TRPM3: variants seen among roughly 807,000 people sequenced by gnomAD.
TRPM3 encodes transient receptor potential cation channel subfamily M member 3, also known as long transient receptor potential channel 3.
In TRPM3, 77 loss-of-function variants were observed where a neutral mutation model predicts 181.2. That is an observed-to-expected ratio of 0.42 (90% CI 0.35 to 0.51). The LOEUF is 0.51. Ranked by LOEUF, TRPM3 falls within the 20% of genes least tolerant of loss-of-function variation. TRPM3 has a pLI of 0.01. For missense variants in TRPM3, 1,759 were observed against 2,196.7 expected, an observed-to-expected ratio of 0.80 and a Z score of 3.98; for synonymous variants, 745 against 796.4, an observed-to-expected ratio of 0.94 and a Z score of 1.09.
intron 1 of TRPM3, among the ~76,000 whole-genome samples, chr9:70,980,464 T>G (rs1278581973): frequency 1.3e-5 from 2 of 152,112 alleles, no homozygotes; most frequent in Non-Finnish European, 2.9e-5. Context: ...TGGTTTTCCT[T>G]TGTGTTCCTG....
At chr9:70,541,040 CA>C (rs2043194183) in intron 25 of TRPM3, among the ~76,000 whole-genome samples, 1 of 152,148 alleles carries the variant, frequency 6.6e-6, no homozygotes, top group Non-Finnish European at 1.5e-5. Flanking sequence ...GGTCCAGAAT[CA>C]GAACCTGGTT....
rs77711247 is a variant in TRPM3, at chr9:70,560,923, G to T, written c.3224-7613C>A. ...ATCCTATAATATGCAGGGAAAAGAA[G>T]TATTTATTTATTTAATATGCACACC... On this transcript the variant is annotated intron_variant, in intron 22 of 25. Coordinates refer to ENST00000677713, the MANE Select transcript of TRPM3 (RefSeq NM_001366145.2). Among the ~76,000 whole-genome samples the T allele has an allele frequency of 4.6e-3, 700 of 152,256 alleles. 1 individual carries two copies. The highest frequency in any genetic ancestry group is 7.0e-3 in the Non-Finnish European group (477 of 68,012).
At position 70,827,890 on chromosome 9, in the gene TRPM3, T is replaced by A. The variant is rs1564476678; in HGVS notation, c.930A>T (p.Arg310=). 9 of 1,614,126 alleles carry A rather than the reference T, an allele frequency of 5.6e-6. No individual in the cohort carries two copies. Among genetic ancestry groups the A allele is most frequent in the Non-Finnish European group, 5.9e-6 (7 of 1,179,976 alleles). ...TGKYGAEVKL[R]RQLEKHISLQ... is the part of the protein sequence containing the mutation. Reference sequence around the variant, plus strand: ...GTGAAATATGCTTTTCCAGTTGTCTTCGAAGTTTCACCTCTGCTCCATATT... The same window carrying A: ...GTGAAATATGCTTTTCCAGTTGTCTACGAAGTTTCACCTCTGCTCCATATT... The change falls in exon 6 of 26, where the codon CGA becomes CGT. Residue 310 remains arginine (R), a synonymous_variant. Transcript: ENST00000677713.
At chr9:70,668,403 G>A (rs1436809971) in intron 9 of TRPM3, among the ~76,000 whole-genome samples, 1 of 152,100 alleles carries the variant, frequency 6.6e-6, no homozygotes, top group East Asian at 1.9e-4. Flanking sequence ...GGTGGCTCAC[G>A]CCTGTAATCC....
intron 1 of TRPM3, among the ~76,000 whole-genome samples, chr9:70,910,952 A>G (rs1217700149): frequency 6.6e-6 from 1 of 152,214 alleles, no homozygotes; most frequent in Admixed American, 6.5e-5. Flanking sequence ...CTTGACTTCT[A>G]TGACAGCAGC....
chr9:70,838,251 G>A (rs900370295), intron 5 of TRPM3, among the ~76,000 whole-genome samples: 8 of 152,110 alleles, frequency 5.3e-5, no homozygotes, highest in Non-Finnish European at 1.5e-5. Flanking sequence ...TGGACTGAAT[G>A]TTTATGTCCC....
At chr9:70,607,721 AC>A (rs1331946060) in intron 19 of TRPM3, among the ~76,000 whole-genome samples, 1 of 152,196 alleles carries the variant, frequency 6.6e-6, no homozygotes, top group African/African-American at 2.4e-5. Flanking sequence ...TGCATTTCTA[AC>A]AAAACTCCCT....
intron 14 of TRPM3, among the ~76,000 whole-genome samples, chr9:70,623,151 G>T (rs1163190951): frequency 6.6e-6 from 1 of 152,108 alleles, no homozygotes; most frequent in Admixed American, 6.6e-5. Flanking sequence ...GATCACCTGA[G>T]GTCAAGAGTT....
chr9:71,066,808 CCT>C (rs926602560), intron 1 of TRPM3, among the ~76,000 whole-genome samples: 19 of 152,230 alleles, frequency 1.2e-4, no homozygotes, highest in African/African-American at 3.9e-4. Context: ...AGGTTTTCCC[CCT>C]GTCAGTCTCT....
chr9:71,190,075 A>T (rs1056484949), intron 1 of TRPM3, among the ~76,000 whole-genome samples: 7 of 151,874 alleles, frequency 4.6e-5, no homozygotes, highest in African/African-American at 1.7e-4. Context: ...CAATGGCCAG[A>T]GATGTGGAGA....
At chr9:70,825,590 C>A (rs935319268) in intron 6 of TRPM3, 1 of 152,242 alleles carries the variant, frequency 6.6e-6, no homozygotes, top group Non-Finnish European at 1.5e-5. Flanking sequence ...TACCCAAGGA[C>A]TAGTATCGGG....
chr9:71,358,069 C>A (rs1588653492), intron 1 of TRPM3, among the ~76,000 whole-genome samples: 1 of 152,050 alleles, frequency 6.6e-6, no homozygotes, highest in Non-Finnish European at 1.5e-5. Flanking sequence ...TAAGAGAACA[C>A]AATAATTTCT....
intron 16 of TRPM3, 100 bp downstream of exon 16, chr9:70,619,976 T>A: frequency 1.6e-6 from 2 of 1,231,594 alleles, no homozygotes; most frequent in Non-Finnish European, 2.3e-6. Flanking sequence ...GGGGTGATAC[T>A]GATTTCCCTT....
At chr9:71,253,862 T>C (rs1414065518) in intron 1 of TRPM3, among the ~76,000 whole-genome samples, 1 of 152,216 alleles carries the variant, frequency 6.6e-6, no homozygotes, top group East Asian at 1.9e-4. Context: ...AATGGAATAC[T>C]ATTCAACCGC....
intron 12 of TRPM3, among the ~76,000 whole-genome samples, chr9:70,631,234 C>T (rs540323006): frequency 1.3e-5 from 2 of 152,224 alleles, no homozygotes; most frequent in East Asian, 3.9e-4. Context: ...ATGTACAGCC[C>T]CTTAACATGG....
chr9:70,787,299 A>G lies in TRPM3; in HGVS notation c.974-3020T>C, dbSNP rs183477933. 1.9e-3 allele frequency among the ~76,000 whole-genome samples: 288 copies of G among 152,296 alleles called. 2 individuals carry two copies. Among genetic ancestry groups the G allele is most frequent in the Middle Eastern group, 3.4e-3 (1 of 294 alleles). Reference sequence around the variant, plus strand: ...AGTCAAATTTGGTGCCAAAAATTGAACGGAGCAAACTGTCATCTTTTTCAT... The same window carrying G: ...AGTCAAATTTGGTGCCAAAAATTGAGCGGAGCAAACTGTCATCTTTTTCAT... On this transcript the variant is annotated intron_variant, in intron 6 of 25. Transcript: ENST00000677713.
At chr9:70,911,797 A>G (rs1033432134) in intron 1 of TRPM3, among the ~76,000 whole-genome samples, 1 of 152,128 alleles carries the variant, frequency 6.6e-6, no homozygotes, top group Non-Finnish European at 1.5e-5. Flanking sequence ...GCTTTAGTTC[A>G]TGTCTTGATT....
intron 1 of TRPM3, among the ~76,000 whole-genome samples, chr9:71,063,516 G>T (rs931019308): frequency 3.3e-5 from 5 of 152,120 alleles, no homozygotes; most frequent in African/African-American, 1.2e-4. Flanking sequence ...AGTGAAGGGA[G>T]AATGCCCTGT....
At chr9:71,265,691 A>G (rs1441839672) in intron 1 of TRPM3, among the ~76,000 whole-genome samples, 2 of 152,226 alleles carry the variant, frequency 1.3e-5, no homozygotes, top group Non-Finnish European at 2.9e-5. Context: ...TCATAAGCCT[A>G]TTATAAGTGT....
Sources: gnomAD v4.1 joint callset for allele counts (sites outside exome capture counted in the v4.1 genomes callset) on GRCh38, gnomAD v4.1.1 for gene constraint, MANE v1.5 for transcripts, NCBI Gene and HGNC (gene_info 2026-07-23, HGNC 2026-07-21) for gene names.